Variants in SPIDR observed in about 807,000 individuals in gnomAD.
SPIDR encodes DNA repair-scaffolding protein.
A neutral mutation model predicts 104.6 loss-of-function variants in SPIDR; 93 were observed. That is an observed-to-expected ratio of 0.89 (90% CI 0.75 to 1.06). The LOEUF is 1.06. SPIDR is among the 50% of genes least tolerant of loss of function. The probability of loss-of-function intolerance (pLI) is 0.00; values close to 1 mark genes in which losing one functional copy is unlikely to be tolerated. For missense variants in SPIDR, 1,154 were observed against 1,111.2 expected (o/e 1.04, Z -0.55); for synonymous variants, 431 against 416.9 (o/e 1.03, Z -0.41).
chr8:47,511,194 C>T (rs2082265995), intron 8 of SPIDR: 1 of 1,586,182 alleles, frequency 6.3e-7, no homozygotes, highest in Non-Finnish European at 8.7e-7. Flanking sequence ...TGTTGCTGAT[C>T]CTGTGGCTGT....
chr8:47,627,313 C>T (rs199633516), intron 10 of SPIDR, among the ~76,000 whole-genome samples: 2 of 151,794 alleles, frequency 1.3e-5, no homozygotes, highest in African/African-American at 4.8e-5. Context: ...GGGTGCAGCA[C>T]AGCAACATGG....
At chr8:47,349,084 G>A (rs1441445345) in intron 5 of SPIDR, among the ~76,000 whole-genome samples, 1 of 152,160 alleles carries the variant, frequency 6.6e-6, no homozygotes, top group Non-Finnish European at 1.5e-5. Context: ...CCAACTTTGT[G>A]GTTTTATCTA....
At chr8:47,721,837 C>T (rs2083445977) in intron 16 of SPIDR, among the ~76,000 whole-genome samples, 1 of 152,116 alleles carries the variant, frequency 6.6e-6, no homozygotes, top group Non-Finnish European at 1.5e-5. Context: ...TGTTCTTGTT[C>T]TTCAATATTG....
chr8:47,353,191 G>A (rs1215373005), intron 5 of SPIDR, among the ~76,000 whole-genome samples: 6 of 151,312 alleles, frequency 4.0e-5, no homozygotes, highest in Non-Finnish European at 8.8e-5. Flanking sequence ...AATTAAAATC[G>A]TATTTTTTCT....
intron 8 of SPIDR, among the ~76,000 whole-genome samples, chr8:47,519,182 T>C (rs1046211046): frequency 2.0e-5 from 3 of 152,084 alleles, no homozygotes; most frequent in Non-Finnish European, 4.4e-5. Context: ...TTCGCTCTTG[T>C]TGCCCAGGCT....
intron 8 of SPIDR, among the ~76,000 whole-genome samples, chr8:47,507,226 G>T (rs1247222334): frequency 6.6e-6 from 1 of 152,192 alleles, no homozygotes; most frequent in African/African-American, 2.4e-5. Context: ...TTTGTGAGTA[G>T]AGGCTTGTAC....
intron 5 of SPIDR, among the ~76,000 whole-genome samples, chr8:47,318,292 C>A (rs1009755245): frequency 4.6e-5 from 7 of 152,014 alleles, no homozygotes; most frequent in Non-Finnish European, 1.0e-4. Flanking sequence ...AACTACGTGA[C>A]GAATGCACAA....
intron 8 of SPIDR, among the ~76,000 whole-genome samples, chr8:47,573,633 G>A (rs368606794): frequency 3.9e-5 from 6 of 152,192 alleles, no homozygotes; most frequent in South Asian, 2.1e-4. Flanking sequence ...TTCCTGCCCC[G>A]GATGTTTTCC....
intron 8 of SPIDR, among the ~76,000 whole-genome samples, chr8:47,464,162 C>T (rs1272486931): frequency 4.0e-5 from 6 of 148,876 alleles, no homozygotes; most frequent in Admixed American, 2.0e-4. Flanking sequence ...ACACAGAGCA[C>T]GTTAGTAAAT....
intron 8 of SPIDR, among the ~76,000 whole-genome samples, chr8:47,446,143 A>G (rs1381161915): frequency 6.6e-6 from 1 of 152,236 alleles, no homozygotes. Flanking sequence ...CTGGCGAGGA[A>G]AAGTCAATGC....
chr8:47,436,262 C>G (rs1554691953), intron 7 of SPIDR, among the ~76,000 whole-genome samples: 1 of 152,186 alleles, frequency 6.6e-6, no homozygotes, highest in Non-Finnish European at 1.5e-5. Flanking sequence ...TTGCTTCTGG[C>G]TGGGATTCAG....
In SPIDR at chr8:47,565,971, C is replaced by CATATATATATATATATATATATATAT; in HGVS notation, c.1098-29818_1098-29817insATATATATATATATATATATATATAT. ...TGGATAAGAATGTGATATTTATACT[C>CATATATATATATATATATATATATAT]ATATATATATATATATATATATTTT... On this transcript the variant is annotated intron_variant, in intron 8 of 19. Transcript: ENST00000297423. Among the ~76,000 whole-genome samples the CATATATATATATATATATATATATAT allele has an allele frequency of 8.2e-4, 34 of 41,444 alleles. 1 individual carries two copies. The highest frequency in any genetic ancestry group is 2.3e-3 in the South Asian group (2 of 864). The allele number at this position is 41,444 out of a possible 152,430, so 27.2% of individuals were successfully genotyped here.
intron 5 of SPIDR, among the ~76,000 whole-genome samples, chr8:47,297,776 A>G (rs1646551825): frequency 6.6e-6 from 1 of 152,182 alleles, no homozygotes; most frequent in African/African-American, 2.4e-5. Context: ...GTCCCTACAA[A>G]GGACATGAAC....
intron 8 of SPIDR, among the ~76,000 whole-genome samples, chr8:47,471,946 T>G (rs2075769198): frequency 6.6e-6 from 1 of 152,184 alleles, no homozygotes; most frequent in African/African-American, 2.4e-5. Flanking sequence ...AGCTCACAAG[T>G]TTCCAAAATT....
rs781913320 is a variant in SPIDR, at chr8:47,369,987, C to CT, written c.526-26377dup. On this transcript the variant is annotated intron_variant, in intron 5 of 19. Coordinates refer to ENST00000297423, the MANE Select transcript of SPIDR (RefSeq NM_001080394.4). Reference sequence around the variant, plus strand: ...CCTTTAACACAATGTAAAGAAATCTCTTTTTTTTTTTTCATCTTCCATTTT... The same window carrying CT: ...CCTTTAACACAATGTAAAGAAATCTCTTTTTTTTTTTTTCATCTTCCATTTT... Among the ~76,000 whole-genome samples, 658 of 143,816 alleles carry CT rather than the reference C, an allele frequency of 4.6e-3. 2 individuals are homozygous for CT. Among genetic ancestry groups the CT allele is most frequent in the African/African-American group, 0.013 (528 of 39,376 alleles). The allele number at this position is 143,816 out of a possible 152,430, so 94.3% of individuals were successfully genotyped here. A position where few individuals can be genotyped will look rare whatever the true frequency, so the allele number is the denominator to read the frequency against.
chr8:47,323,261 G>A (rs2047088635), intron 5 of SPIDR, among the ~76,000 whole-genome samples: 1 of 152,076 alleles, frequency 6.6e-6, no homozygotes, highest in Non-Finnish European at 1.5e-5. Flanking sequence ...ATAATATTCT[G>A]TGTGAAAAAT....
intron 5 of SPIDR, among the ~76,000 whole-genome samples, chr8:47,351,542 T>C (rs1587525065): frequency 6.6e-6 from 1 of 152,306 alleles, no homozygotes; most frequent in East Asian, 1.9e-4. Context: ...AGAACTTAAC[T>C]TTTTGAACAC....
intron 8 of SPIDR, among the ~76,000 whole-genome samples, chr8:47,499,745 G>A (rs566156514): frequency 6.6e-6 from 1 of 151,988 alleles, no homozygotes; most frequent in South Asian, 2.1e-4. Context: ...CCAGTAACTC[G>A]TCATTTAACA....
chr8:47,688,126 T>G (rs1021956279), intron 11 of SPIDR, among the ~76,000 whole-genome samples: 5 of 152,014 alleles, frequency 3.3e-5, no homozygotes, highest in Non-Finnish European at 5.9e-5. Flanking sequence ...GCTTTTTATT[T>G]TATTTTATTT....
Sources: allele counts gnomAD v4.1 joint callset (sites outside exome capture counted in the v4.1 genomes callset), GRCh38; gene constraint gnomAD v4.1.1; transcripts MANE v1.5; gene names NCBI Gene and HGNC (gene_info 2026-07-23, HGNC 2026-07-21).